PDGFRL: variants seen among roughly 807,000 people sequenced by gnomAD.
PDGFRL encodes the protein platelet-derived growth factor receptor-like protein.
Under a neutral mutation model 37.2 loss-of-function variants are expected in PDGFRL, and 46 were observed. The ratio of observed to expected loss-of-function variants is 1.24; its 90% CI spans 0.98 to 1.58. The LOEUF (loss-of-function observed/expected upper bound fraction) is 1.58. PDGFRL is among the 40% of genes most tolerant of loss of function. The probability of loss-of-function intolerance (pLI) is 0.00; values close to 1 mark genes in which losing one functional copy is unlikely to be tolerated. For synonymous variants in PDGFRL, 251 were observed against 184.3 expected (o/e 1.36, Z -2.93); for missense variants, 692 against 467.6 (o/e 1.48, Z -4.43).
At chr8:17,635,083 C>G (rs1353763344) in intron 5 of PDGFRL, among the ~76,000 whole-genome samples, 1 of 152,174 alleles carries the variant, frequency 6.6e-6, no homozygotes, top group Non-Finnish European at 1.5e-5. Context: ...CAACTAGAGT[C>G]TAATCTAACC....
chr8:17,590,947 A>G (rs1803925402), intron 2 of PDGFRL, among the ~76,000 whole-genome samples: 1 of 145,584 alleles, frequency 6.9e-6, no homozygotes. Context: ...CAGTGGTGCC[A>G]TCTTGGCTCA....
At chr8:17,634,948 T>C (rs1319231757) in intron 5 of PDGFRL, among the ~76,000 whole-genome samples, 1 of 151,028 alleles carries the variant, frequency 6.6e-6, no homozygotes, top group Non-Finnish European at 1.5e-5. Flanking sequence ...GACTTGCACA[T>C]ATACCCCTGA....
intron 1 of PDGFRL, among the ~76,000 whole-genome samples, chr8:17,580,015 A>G (rs1006848563): frequency 1.3e-5 from 2 of 152,166 alleles, no homozygotes; most frequent in African/African-American, 2.4e-5. Flanking sequence ...AATCACAAAT[A>G]TTTCCTGACT....
intron 1 of PDGFRL, among the ~76,000 whole-genome samples, chr8:17,578,280 C>G (rs994512915): frequency 6.6e-6 from 1 of 152,156 alleles, no homozygotes; most frequent in African/African-American, 2.4e-5. Context: ...CATGCTGGAG[C>G]CAGCTCGACC....
intron 2 of PDGFRL, among the ~76,000 whole-genome samples, chr8:17,606,900 T>TG (rs1804292970): frequency 7.0e-6 from 1 of 142,420 alleles, no homozygotes; most frequent in African/African-American, 2.6e-5. Flanking sequence ...TTTTGTTTTT[T>TG]TTTTTTTTTT....
chr8:17,614,478 G>A lies in PDGFRL; in HGVS notation c.354-6573G>A, dbSNP rs908520492. ...GAAACACAGACAAGCAAATACCCACGAGTCTTTATCGCTCTTGATTCTTGG... is the reference window on the plus strand; with the variant it reads ...GAAACACAGACAAGCAAATACCCACAAGTCTTTATCGCTCTTGATTCTTGG... On this transcript the variant is annotated intron_variant, in intron 2 of 5. Transcript: ENST00000251630. Among the ~76,000 whole-genome samples the A allele has an allele frequency of 3.9e-5, 6 of 152,280 alleles. No homozygotes were observed. The South Asian group carries it at 6.2e-4, about 16-fold the overall frequency.
intron 2 of PDGFRL, among the ~76,000 whole-genome samples, chr8:17,592,803 A>C (rs541449297): frequency 4.6e-5 from 7 of 152,006 alleles, no homozygotes; most frequent in Non-Finnish European, 1.0e-4. Context: ...TTTTCTTTCA[A>C]CATCTTTGTT....
At chr8:17,593,196 A>G (rs1011717474) in intron 2 of PDGFRL, among the ~76,000 whole-genome samples, 43 of 152,052 alleles carry the variant, frequency 2.8e-4, no homozygotes, top group Admixed American at 6.6e-4. Flanking sequence ...GAAGTGCGTA[A>G]GGGGGAACGT....
At chr8:17,586,797 G>T (rs1044709054) in intron 1 of PDGFRL, among the ~76,000 whole-genome samples, 7 of 152,164 alleles carry the variant, frequency 4.6e-5, no homozygotes, top group Middle Eastern at 3.2e-3. Context: ...TTATAGATGA[G>T]AAAACTGAAA....
intron 2 of PDGFRL, among the ~76,000 whole-genome samples, chr8:17,593,244 C>T (rs929086301): frequency 2.6e-5 from 4 of 151,874 alleles, no homozygotes; most frequent in Non-Finnish European, 4.4e-5. Context: ...GAAAGGCTTA[C>T]CACTATATAT....
In PDGFRL at chr8:17,628,479, C is replaced by T; in HGVS notation, c.506-8C>T. The T allele has an allele frequency of 6.2e-7, 1 of 1,611,040 alleles. No homozygotes were observed. ...GTGAATAAGCCTGTGTCTTCCTTCC[C>T]TTTGCAGAGAAAGGAGAACTCTTTG... On this transcript the variant is annotated splice_region_variant and splice_polypyrimidine_tract_variant and intron_variant, in intron 3 of 5. Transcript: ENST00000251630.
chr8:17,600,691 T>A (rs1488545386), intron 2 of PDGFRL, among the ~76,000 whole-genome samples: 1 of 151,838 alleles, frequency 6.6e-6, no homozygotes, highest in Non-Finnish European at 1.5e-5. Context: ...TAGTTGCAGC[T>A]ACTCAGGATG....
At chr8:17,626,605 C>T (rs1442464391) in intron 3 of PDGFRL, among the ~76,000 whole-genome samples, 1 of 152,158 alleles carries the variant, frequency 6.6e-6, no homozygotes, top group African/African-American at 2.4e-5. Flanking sequence ...TTCAGGAACA[C>T]TGTGGGGAAA....
In PDGFRL at chr8:17,617,849, C is replaced by A. The variant is rs528481551; in HGVS notation, c.354-3202C>A. 2.0e-5 allele frequency among the ~76,000 whole-genome samples: 3 copies of A among 152,274 alleles called. No individual in the cohort carries two copies. In the South Asian group the frequency reaches 6.2e-4, roughly 32 times the overall value. On this transcript the variant is annotated intron_variant, in intron 2 of 5. Coordinates refer to ENST00000251630, the MANE Select transcript of PDGFRL (RefSeq NM_001372073.1). ...ATACTTTCTATCACTACAGTGCTAG[C>A]AAATGCTCGGCCCAGAGAAGATGCG... is the stretch of plus-strand genomic sequence containing the variant.
intron 2 of PDGFRL, among the ~76,000 whole-genome samples, chr8:17,614,383 T>G (rs951282161): frequency 6.6e-6 from 1 of 152,168 alleles, no homozygotes; most frequent in African/African-American, 2.4e-5. Context: ...CTGCATATCA[T>G]TCAGCCATTC....
At chr8:17,641,495 T>C (rs140093469) in intron 5 of PDGFRL, among the ~76,000 whole-genome samples, 2 of 152,342 alleles carry the variant, frequency 1.3e-5, no homozygotes, top group East Asian at 3.9e-4. Context: ...TGTGTTTCAC[T>C]TGGCTAGAGT....
At chr8:17,603,006 C>T (rs1804198264) in intron 2 of PDGFRL, among the ~76,000 whole-genome samples, 1 of 152,138 alleles carries the variant, frequency 6.6e-6, no homozygotes, top group South Asian at 2.1e-4. Context: ...TTTTTGGAGA[C>T]AGAGTCTTCT....
chr8:17,577,882 A>C (rs770115622), intron 1 of PDGFRL, among the ~76,000 whole-genome samples: 13 of 151,728 alleles, frequency 8.6e-5, no homozygotes. Context: ...AACGAATCAA[A>C]AGCCCACGGC....
At chr8:17,617,529 C>T (rs775130060) in intron 2 of PDGFRL, among the ~76,000 whole-genome samples, 2 of 152,150 alleles carry the variant, frequency 1.3e-5, no homozygotes, top group Non-Finnish European at 2.9e-5. Context: ...CCCTCGGTCA[C>T]TTCCAACCCC....
Sources: gnomAD v4.1 joint callset for allele counts (sites outside exome capture counted in the v4.1 genomes callset) on GRCh38, gnomAD v4.1.1 for gene constraint, MANE v1.5 for transcripts, NCBI Gene and HGNC (gene_info 2026-07-23, HGNC 2026-07-21) for gene names.